Variants in JPT2 observed in about 807,000 individuals in gnomAD.
JPT2 encodes CRAMP_1 like.
In JPT2, 9 loss-of-function variants were observed where a neutral mutation model predicts 15.9. That is an observed-to-expected ratio of 0.57 (90% confidence interval 0.34 to 0.99). JPT2 has a LOEUF of 0.99. Among genes scored for constraint, JPT2 ranks in the 50% least tolerant of loss-of-function variants. The probability of loss-of-function intolerance (pLI) is 0.02; values close to 1 mark genes in which losing one functional copy is unlikely to be tolerated. For missense variants in JPT2, 267 were observed against 252.1 expected, an observed-to-expected ratio of 1.06 and a Z score of -0.40; for synonymous variants, 95 against 91.7, an observed-to-expected ratio of 1.04 and a Z score of -0.21.
Position 1,698,684 on chromosome 16 carries a change from C to G in JPT2, c.386-127C>G, listed in dbSNP as rs2037159672. 1.1e-6 allele frequency: 1 copy of G among 916,492 alleles called. No homozygotes were observed. The highest frequency in any genetic ancestry group is 1.6e-6 in the Non-Finnish European group (1 of 611,924). 56.8% of individuals were successfully genotyped at this position (916,492 alleles called of 1,614,324 possible). A position where few individuals can be genotyped will look rare whatever the true frequency, so the allele number is the denominator to read the frequency against. On this transcript the variant is annotated intron_variant, in intron 4 of 4. Coordinates refer to ENST00000248098, the MANE Select transcript of JPT2 (RefSeq NM_144570.3). The surrounding 1 kb of genome is among the most constrained non-coding windows in gnomAD (Gnocchi z 4.9). Reference sequence around the variant, plus strand: ...ATGAAAAGCCTGTCTATATTGTCTTCTCTTTCCCAGTTACAGCATGAATTT... The same window carrying G: ...ATGAAAAGCCTGTCTATATTGTCTTGTCTTTCCCAGTTACAGCATGAATTT...
chr16:1,683,170 A>G (rs569647601), intron 1 of JPT2, among the ~76,000 whole-genome samples: 31 of 151,584 alleles, frequency 2.0e-4, no homozygotes, highest in Middle Eastern at 3.4e-3. Context: ...TAGAGACGGG[A>G]TTTCACCGTG....
intron 2 of JPT2, among the ~76,000 whole-genome samples, chr16:1,688,092 T>G (rs914343748): frequency 5.3e-5 from 8 of 152,266 alleles, no homozygotes; most frequent in African/African-American, 1.9e-4. Context: ...ATGACCAACG[T>G]CTATGAATTG....
chr16:1,685,097 T>C (rs2037054653), intron 1 of JPT2, among the ~76,000 whole-genome samples: 1 of 152,022 alleles, frequency 6.6e-6, no homozygotes. Flanking sequence ...GACGCCAAGG[T>C]GGGCAGATCA....
At chr16:1,689,722 G>A (rs1388940224) in intron 2 of JPT2, 1 of 152,264 alleles carries the variant, frequency 6.6e-6, no homozygotes, top group Non-Finnish European at 1.5e-5. Flanking sequence ...GATTACAGGT[G>A]TGAGCCAGTG....
rs540940487 is a variant in JPT2 at position 1,679,717 on chromosome 16, A to C, written c.44+1361A>C. Among the ~76,000 whole-genome samples, 433 of 150,584 alleles carry C rather than the reference A, an allele frequency of 2.9e-3. 1 individual carries two copies. The highest frequency in any genetic ancestry group is 6.8e-3 in the Middle Eastern group (2 of 292). On this transcript the variant is annotated intron_variant, in intron 1 of 4. Transcript: ENST00000248098. ...GTCTCAAAAAAAAAAAAAACCCTTT[A>C]GATTTGAGGGAGTTAGGTCAGTATT...
chr16:1,699,876 A>G lies in JPT2; in HGVS notation c.*878A>G, dbSNP rs1011944554. On this transcript the variant is annotated 3_prime_UTR_variant, in exon 5 of 5. Transcript: ENST00000248098. ...TGCGGGACTTTAAAAATCTATTCAG[A>G]TATTTCCGAGTAAGTGGCTTGTTTA... 12 of 297,044 alleles carry G rather than the reference A, an allele frequency of 4.0e-5. No homozygotes were observed. Among genetic ancestry groups the G allele is most frequent in the African/African-American group, 2.6e-4 (12 of 46,168 alleles). The allele number at this position is 297,044 out of a possible 1,614,324, so 18.4% of individuals were successfully genotyped here.
rs1360011655 is a variant in JPT2 at position 1,700,027 on chromosome 16, T to C, written c.*1029T>C. 1.1e-5 allele frequency: 4 copies of C among 362,518 alleles called. No individual in the cohort carries two copies. The Admixed American group carries it at 1.2e-4, about 11-fold the overall frequency. The allele number at this position is 362,518 out of a possible 1,614,324, so 22.5% of individuals were successfully genotyped here. A position where few individuals can be genotyped will look rare whatever the true frequency, so the allele number is the denominator to read the frequency against. ...AAAAGCTAAATTTTAAATACCAGCTTTACATAAATGATTGTTGACTCTGGT... is the reference window on the plus strand; with the variant it reads ...AAAAGCTAAATTTTAAATACCAGCTCTACATAAATGATTGTTGACTCTGGT... On this transcript the variant is annotated 3_prime_UTR_variant, in exon 5 of 5. Coordinates refer to ENST00000248098, the MANE Select transcript of JPT2 (RefSeq NM_144570.3).
intron 3 of JPT2, among the ~76,000 whole-genome samples, chr16:1,697,263 C>T (rs1469880342): frequency 2.0e-5 from 3 of 152,202 alleles, no homozygotes; most frequent in African/African-American, 7.2e-5. Context: ...CCTATAATCC[C>T]AGCACTTTGG....
intron 1 of JPT2, 104 bp downstream of exon 1, chr16:1,678,460 G>T (rs989522855): frequency 6.4e-6 from 7 of 1,089,496 alleles, no homozygotes; most frequent in African/African-American, 1.6e-5. Flanking sequence ...GGTGGGGTTG[G>T]GGGGCAGGGC....
chr16:1,684,748 AAAAC>A (rs768073013), intron 1 of JPT2, among the ~76,000 whole-genome samples: 8 of 152,054 alleles, frequency 5.3e-5, no homozygotes, highest in East Asian at 1.9e-4. Flanking sequence ...CGTCTCAAAA[AAAAC>A]AAACAAAAGT....
intron 3 of JPT2, among the ~76,000 whole-genome samples, chr16:1,696,753 C>T (rs1395239633): frequency 1.3e-5 from 2 of 152,144 alleles, no homozygotes; most frequent in Non-Finnish European, 2.9e-5. Flanking sequence ...TAACTGGGGA[C>T]ATGCACATCA....
At chr16:1,678,890 C>T (rs950943768) in intron 1 of JPT2, among the ~76,000 whole-genome samples, 4 of 152,300 alleles carry the variant, frequency 2.6e-5, no homozygotes, top group South Asian at 4.1e-4. Context: ...TGTGCCCTGC[C>T]CATGGCCGCG....
rs367704836 is a variant in JPT2, at chr16:1,699,403, C to A, written c.*405C>A. 1 of 413,302 alleles carries A rather than the reference C, an allele frequency of 2.4e-6. No homozygotes were observed. The highest frequency in any genetic ancestry group is 2.0e-5 in the African/African-American group (1 of 49,334). The allele number at this position is 413,302 out of a possible 1,614,324, so 25.6% of individuals were successfully genotyped here. A position where few individuals can be genotyped will look rare whatever the true frequency, so the allele number is the denominator to read the frequency against. On this transcript the variant is annotated 3_prime_UTR_variant, in exon 5 of 5. Coordinates refer to ENST00000248098, the MANE Select transcript of JPT2 (RefSeq NM_144570.3). ...GATGGAGGAGGCGTAAGCAGAAACA[C>A]TAACAGTATATTGACCTCTTAGCAG...
downstream of JPT2, among the ~76,000 whole-genome samples, chr16:1,702,709 C>T (rs992596625): frequency 3.3e-5 from 5 of 152,188 alleles, no homozygotes; most frequent in African/African-American, 1.2e-4. Flanking sequence ...CTGAAATACT[C>T]CTGTGTAATG....
At chr16:1,697,371 G>C (rs887690922) in intron 3 of JPT2, among the ~76,000 whole-genome samples, 1 of 152,196 alleles carries the variant, frequency 6.6e-6, no homozygotes, top group East Asian at 1.9e-4. Context: ...AAATTAGCCA[G>C]GTGTGGTGGC....
intron 3 of JPT2, among the ~76,000 whole-genome samples, chr16:1,697,358 G>T (rs1020747307): frequency 3.9e-5 from 6 of 152,086 alleles, no homozygotes; most frequent in African/African-American, 1.4e-4. Flanking sequence ...ACAAAAAATA[G>T]AAAAATTAGC....
Position 1,693,553 on chromosome 16 carries a change from G to C in JPT2, c.336+1568G>C, listed in dbSNP as rs192487682. Among the ~76,000 whole-genome samples, 4 of 152,286 alleles carry C rather than the reference G, an allele frequency of 2.6e-5. No homozygotes were observed. The East Asian group carries it at 7.7e-4, about 29-fold the overall frequency. On this transcript the variant is annotated intron_variant, in intron 3 of 4. Coordinates refer to ENST00000248098, the MANE Select transcript of JPT2 (RefSeq NM_144570.3). ...AATTAGCCGGACACGAGAGCAAGGT[G>C]CTTCCTGCTGAGACTCACACTTTCC...
Position 1,692,225 on chromosome 16 carries a change from C to T in JPT2, c.336+240C>T, listed in dbSNP as rs190807487. ...CTCTTCTGTGCTGGTGGCGGACGCC[C>T]ACTGCAGACGGGCTGTGGCGGCTCC... is the stretch of plus-strand genomic sequence containing the variant. On this transcript the variant is annotated intron_variant, in intron 3 of 4. Transcript: ENST00000248098. 8.2e-3 allele frequency: 4,575 copies of T among 558,506 alleles called. 26 individuals are homozygous for T. The highest frequency in any genetic ancestry group is 0.011 in the Non-Finnish European group (3,435 of 320,170). 34.6% of individuals were successfully genotyped at this position (558,506 alleles called of 1,614,324 possible).
intron 1 of JPT2, among the ~76,000 whole-genome samples, chr16:1,682,950 A>T (rs529351114): frequency 2.0e-5 from 3 of 152,106 alleles, no homozygotes; most frequent in African/African-American, 7.2e-5. Flanking sequence ...CAACAGGCGC[A>T]TACCACCACA....
Sources: allele counts gnomAD v4.1 joint callset (sites outside exome capture counted in the v4.1 genomes callset), GRCh38; gene constraint gnomAD v4.1.1; non-coding constraint Gnocchi (gnomAD v3.1); transcripts MANE v1.5; gene names NCBI Gene and HGNC (gene_info 2026-07-23, HGNC 2026-07-21).